Variants in DIP2C observed in about 807,000 individuals in gnomAD.
The protein encoded by DIP2C is disco-interacting protein 2 homolog C.
DIP2C carries 33 observed loss-of-function variants against 192.4 expected under a neutral mutation model. The ratio of observed to expected loss-of-function variants is 0.17; its 90% CI spans 0.13 to 0.23. The LOEUF is 0.23. Among genes scored for constraint, DIP2C ranks in the 10% least tolerant of loss-of-function variants. The pLI, the probability that DIP2C is intolerant of heterozygous loss-of-function variation, is 1.00. For missense variants in DIP2C, 1,537 were observed against 2,110.1 expected (o/e 0.73, Z 5.32); for synonymous variants, 979 against 864.1 (o/e 1.13, Z -2.33).
Position 576,048 on chromosome 10 carries a change from C to G in DIP2C, c.86-89518G>C, listed in dbSNP as rs1163783221. 2.6e-5 allele frequency among the ~76,000 whole-genome samples: 4 copies of G among 152,216 alleles called. No homozygotes were observed. In the East Asian group the frequency reaches 7.7e-4, roughly 29 times the overall value. ...CACCTGTTGCCATCCAGCACAGTGACCAGGAACTCACCTTTGTCCGGGAGA... is the reference window on the plus strand; with the variant it reads ...CACCTGTTGCCATCCAGCACAGTGAGCAGGAACTCACCTTTGTCCGGGAGA... On this transcript the variant is annotated intron_variant, in intron 1 of 36. Coordinates refer to ENST00000280886, the MANE Select transcript of DIP2C (RefSeq NM_014974.3).
intron 1 of DIP2C, among the ~76,000 whole-genome samples, chr10:683,839 C>G (rs1033666524): frequency 1.3e-5 from 2 of 152,168 alleles, no homozygotes; most frequent in Admixed American, 1.3e-4. Context: ...AAAATCAGTT[C>G]TAAAAAAAGA....
rs537742151 is a variant in DIP2C at position 385,097 on chromosome 10, G to A, written c.1663-458C>T. ...GAGCGCCACGGACACCAGGCTGCACGGGCTGGGAGGAGAAGCAGCTCTCAT... is the reference window on the plus strand; with the variant it reads ...GAGCGCCACGGACACCAGGCTGCACAGGCTGGGAGGAGAAGCAGCTCTCAT... On this transcript the variant is annotated intron_variant, in intron 14 of 36. Transcript: ENST00000280886. Among the ~76,000 whole-genome samples the A allele has an allele frequency of 1.9e-4, 28 of 150,792 alleles. 1 individual carries two copies. In the South Asian group the frequency reaches 5.1e-3, roughly 27 times the overall value.
intron 3 of DIP2C, among the ~76,000 whole-genome samples, chr10:470,260 T>C (rs971709344): frequency 3.3e-5 from 5 of 151,912 alleles, no homozygotes; most frequent in Non-Finnish European, 7.4e-5. Flanking sequence ...ACGGGAGAGA[T>C]TGTGTGTGAA....
chr10:551,184 G>A (rs1329209536), intron 1 of DIP2C, among the ~76,000 whole-genome samples: 2 of 152,228 alleles, frequency 1.3e-5, no homozygotes, highest in African/African-American at 4.8e-5. Flanking sequence ...CCTCCTTGCA[G>A]GTCTCGGCTC....
chr10:657,984 GCTGGACCTGCCA>G (rs1856493445), intron 1 of DIP2C, among the ~76,000 whole-genome samples: 1 of 128,418 alleles, frequency 7.8e-6, no homozygotes. Context: ...TGGACCTGCC[GCTGGACCTGCCA>G]CTGGACCTGA....
intron 4 of DIP2C, among the ~76,000 whole-genome samples, chr10:424,795 A>T (rs1205251549): frequency 1.3e-5 from 2 of 152,238 alleles, no homozygotes; most frequent in Non-Finnish European, 2.9e-5. Flanking sequence ...GTCTTCTCAC[A>T]ACTCTTTACA....
intron 1 of DIP2C, among the ~76,000 whole-genome samples, chr10:597,519 G>A (rs1037932246): frequency 1.4e-4 from 21 of 152,216 alleles, no homozygotes; most frequent in Admixed American, 1.2e-3. Context: ...AGAGGTGTGT[G>A]CCGAGGACAC....
At chr10:662,083 C>T in intron 1 of DIP2C, 1 of 717,424 alleles carries the variant, frequency 1.4e-6, no homozygotes, top group South Asian at 1.5e-5. Flanking sequence ...GCACGATTCT[C>T]TCCGAAGCCC....
chr10:604,718 T>C (rs955196101), intron 1 of DIP2C, among the ~76,000 whole-genome samples: 1 of 152,230 alleles, frequency 6.6e-6, no homozygotes, highest in African/African-American at 2.4e-5. Flanking sequence ...TGTCAATCTA[T>C]TGTCCCATAT....
chr10:441,188 ATTTAT>A (rs771097710), intron 3 of DIP2C, 192 bp from the exon 4 acceptor site: 24 of 611,508 alleles, frequency 3.9e-5, no homozygotes, highest in Non-Finnish European at 5.6e-5. Context: ...ACTTTTAATC[ATTTAT>A]TTTATTACCA....
chr10:559,096 TTAAAAG>T (rs1452838468), intron 1 of DIP2C, among the ~76,000 whole-genome samples: 4 of 152,202 alleles, frequency 2.6e-5, no homozygotes, highest in Admixed American at 1.3e-4. Context: ...CACAAGCACA[TTAAAAG>T]TAAAATTTCT....
At chr10:571,272 C>G (rs930325554) in intron 1 of DIP2C, among the ~76,000 whole-genome samples, 8 of 152,216 alleles carry the variant, frequency 5.3e-5, no homozygotes, top group Non-Finnish European at 1.0e-4. Context: ...TAACGTCGAC[C>G]ACATCTCAGG....
At chr10:317,045 T>C (rs1189724400) in intron 31 of DIP2C, among the ~76,000 whole-genome samples, 1 of 152,236 alleles carries the variant, frequency 6.6e-6, no homozygotes, top group African/African-American at 2.4e-5. Flanking sequence ...TCTTGTGACT[T>C]CTACATCTCA....
rs181188375 is a variant in DIP2C, at chr10:520,192, C to T, written c.86-33662G>A. Among the ~76,000 whole-genome samples, 182 of 152,268 alleles carry T rather than the reference C, an allele frequency of 1.2e-3. 5 individuals carry two copies. In the East Asian group the frequency reaches 0.032, roughly 27 times the overall value. ...CGAGAACCAAGGCGGCTGGGGTCGA[C>T]ATGCTTACAGGCAAAGTTTCCACAC... On this transcript the variant is annotated intron_variant, in intron 1 of 36. Transcript: ENST00000280886.
intron 1 of DIP2C, among the ~76,000 whole-genome samples, chr10:580,790 C>G (rs1221146011): frequency 6.6e-6 from 1 of 152,086 alleles, no homozygotes; most frequent in Admixed American, 6.5e-5. Flanking sequence ...AAATAATTTT[C>G]ATGAATAAAG....
intron 1 of DIP2C, chr10:665,978 A>G (rs4881502): frequency 0.98 from 149,484 of 152,210 alleles, 73,462 homozygotes; most frequent in Middle Eastern, 1. Flanking sequence ...TTGCCGTGGC[A>G]CTTATGGGGT....
intron 1 of DIP2C, among the ~76,000 whole-genome samples, chr10:573,437 C>T (rs943784704): frequency 6.6e-6 from 1 of 152,214 alleles, no homozygotes; most frequent in Admixed American, 6.5e-5. Context: ...CGGACAGGGT[C>T]GCCCTCTGTC....
intron 1 of DIP2C, among the ~76,000 whole-genome samples, chr10:504,712 T>C (rs904070211): frequency 2.0e-5 from 3 of 152,258 alleles, no homozygotes; most frequent in African/African-American, 7.2e-5. Context: ...ATTTAGTACA[T>C]CTTACTGTTT....
intron 1 of DIP2C, among the ~76,000 whole-genome samples, chr10:524,674 A>C (rs2130831915): frequency 6.6e-6 from 1 of 152,346 alleles, no homozygotes; most frequent in African/African-American, 2.4e-5. Context: ...TTAAAAACAA[A>C]GAATGCATTG....
Sources: allele counts gnomAD v4.1 joint callset (sites outside exome capture counted in the v4.1 genomes callset), GRCh38; gene constraint gnomAD v4.1.1; transcripts MANE v1.5; gene names NCBI Gene and HGNC (gene_info 2026-07-23, HGNC 2026-07-21).